The following ZNF488 variants were observed in gnomAD, a reference collection of about 807,000 sequenced individuals.
ZNF488 encodes the protein zinc finger protein 488.
In ZNF488, 1 loss-of-function variant was observed where a neutral mutation model predicts 1.2. That is an observed-to-expected ratio of 0.86 (90% CI 0.30 to 4.07). The LOEUF is 4.07. Ranked by LOEUF, ZNF488 falls within the 30% of genes most tolerant of loss-of-function variation. ZNF488 has a pLI of 0.18. For missense variants in ZNF488, 450 were observed against 437.9 expected, an observed-to-expected ratio of 1.03 and a Z score of -0.25; for synonymous variants, 185 against 190.1, an observed-to-expected ratio of 0.97 and a Z score of 0.22.
In ZNF488 at chr10:47,368,255, A is replaced by G; in HGVS notation, c.575T>C (p.Leu192Pro). Residue 192 changes from leucine to proline, a missense_variant, in exon 2 of 2, where the codon CTG becomes CCG. Transcript: ENST00000585316. ...GTCTGTAGTGTTGAGGAGTCCAGAC[A>G]GCTCCCCCAGGGCATCTGCAGATTC... ...AGESADALGE[L>P]SGLLNTTDLA... is the part of the protein sequence containing the mutation. 1 of 1,614,226 alleles carries G rather than the reference A, an allele frequency of 6.2e-7. No homozygotes were observed. Among genetic ancestry groups the G allele is most frequent in the Non-Finnish European group, 8.5e-7 (1 of 1,180,038 alleles).
In ZNF488 at chr10:47,367,807, C is replaced by A; in HGVS notation, c.1023G>T (p.Ter341TyrextTer6). 1 of 1,607,306 alleles carries A rather than the reference C, an allele frequency of 6.2e-7. No homozygotes were observed. The highest frequency in any genetic ancestry group is 8.5e-7 in the Non-Finnish European group (1 of 1,176,908). The change falls in exon 2 of 2, where the codon TAG (stop) becomes TAT (tyrosine). Residue 341 changes from the stop codon to tyrosine (Y), a stop_lost. Transcript: ENST00000585316. ...HLSRHMTSHS[*>Y] ...CAGCAGGTCATTCTGCGGTCACCTG[C>A]TAGCTGTGAGAAGTCATGTGCCGGG... is the stretch of plus-strand genomic sequence containing the variant.
Position 47,384,241 on chromosome 10 carries a change from A to T in ZNF488, c.-130T>A. ...TCACCTGGGCTCTCTGGAGATGTGG[A>T]GCAAGAGGTGCTGGTGCAGCACAGC... is the stretch of plus-strand genomic sequence containing the variant. On this transcript the variant is annotated 5_prime_UTR_variant, in exon 1 of 2. Coordinates refer to ENST00000585316, the MANE Select transcript of ZNF488 (RefSeq NM_153034.4). 6.6e-6 allele frequency: 1 copy of T among 152,534 alleles called. No homozygotes were observed. The highest frequency in any genetic ancestry group is 1.9e-4 in the East Asian group (1 of 5,162). 9.4% of individuals were successfully genotyped at this position (152,534 alleles called of 1,614,324 possible). A position where few individuals can be genotyped will look rare whatever the true frequency, so the allele number is the denominator to read the frequency against.
intron 1 of ZNF488, among the ~76,000 whole-genome samples, chr10:47,370,129 G>A (rs1190395024): frequency 6.6e-6 from 1 of 152,222 alleles, no homozygotes; most frequent in African/African-American, 2.4e-5. Context: ...GGAGACATCC[G>A]CATGGTGAGA....
In ZNF488 at chr10:47,368,684, A is replaced by G; in HGVS notation, c.146T>C (p.Leu49Pro). The G allele has an allele frequency of 2.5e-6, 4 of 1,612,754 alleles. No individual in the cohort carries two copies. Among genetic ancestry groups the G allele is most frequent in the Non-Finnish European group, 3.4e-6 (4 of 1,180,038 alleles). The change falls in exon 2 of 2, where the codon CTG becomes CCG. Residue 49 changes from leucine (L) to proline (P), a missense_variant. By Grantham distance (98) the Leu-to-Pro change is moderately conservative. Transcript: ENST00000585316. ...GCCCAGGCGGTTCGTCTTCTCGAGCAGCACTGGCTTGCAGCCCCGGCCCAG... is the reference window on the plus strand; with the variant it reads ...GCCCAGGCGGTTCGTCTTCTCGAGCGGCACTGGCTTGCAGCCCCGGCCCAG... ...PELGRGCKPVLLEKTNRLGPE... is the reference protein window; with the variant it reads ...PELGRGCKPVPLEKTNRLGPE...
intron 1 of ZNF488, among the ~76,000 whole-genome samples, chr10:47,381,915 C>A (rs927888821): frequency 6.6e-6 from 1 of 152,244 alleles, no homozygotes; most frequent in Non-Finnish European, 1.5e-5. Flanking sequence ...CAAACAATGC[C>A]AATAGGCAGT....
rs1837260925 is a variant in ZNF488 at position 47,367,542 on chromosome 10, G to A, written c.*265C>T. 1.9e-6 allele frequency: 1 copy of A among 523,004 alleles called. No individual in the cohort carries two copies. Among genetic ancestry groups the A allele is most frequent in the Admixed American group, 3.7e-5 (1 of 26,924 alleles). 32.4% of individuals were successfully genotyped at this position (523,004 alleles called of 1,614,324 possible). On this transcript the variant is annotated 3_prime_UTR_variant, in exon 2 of 2. Coordinates refer to ENST00000585316, the MANE Select transcript of ZNF488 (RefSeq NM_153034.4). The stretch of plus-strand genomic sequence containing the variant: ...TGTGCCTCCAAAGCCCATGATGTGT[G>A]CCAGGAGTTGCCCCTGCTCTCTGTG...
Position 47,368,484 on chromosome 10 carries a change from G to C in ZNF488, c.346C>G (p.Gln116Glu), listed in dbSNP as rs146596495. The change falls in exon 2 of 2, where the codon CAG becomes GAG. Residue 116 changes from glutamine (Q) to glutamate (E), a missense_variant. Coordinates refer to ENST00000585316, the MANE Select transcript of ZNF488 (RefSeq NM_153034.4). ...PRMKDRQVDAQAQEREHDDPT... is the reference protein window; with the variant it reads ...PRMKDRQVDAEAQEREHDDPT... ...TCATCGTGCTCCCTCTCCTGGGCCT[G>C]AGCATCCACCTGCCGGTCCTTCATC... 6.2e-7 allele frequency: 1 copy of C among 1,613,692 alleles called. No individual in the cohort carries two copies. Among genetic ancestry groups the C allele is most frequent in the Non-Finnish European group, 8.5e-7 (1 of 1,179,944 alleles).
rs1555213303 is a variant in ZNF488, at chr10:47,368,569, C to T, written c.261G>A (p.Lys87=). 6.2e-7 allele frequency: 1 copy of T among 1,612,172 alleles called. No homozygotes were observed. ...LVAPGKPRPG[K]PLPPKTRGEQ... ...CTCCACGTGTCTTCGGGGGCAGCGG[C>T]TTGCCAGGTCGGGGCTTGCCTGGGG... The change falls in exon 2 of 2, where the codon AAG becomes AAA. Residue 87 remains lysine (K), a synonymous_variant. Coordinates refer to ENST00000585316, the MANE Select transcript of ZNF488 (RefSeq NM_153034.4).
chr10:47,380,873 G>A lies in ZNF488; in HGVS notation c.-109+3347C>T, dbSNP rs570808231. Reference sequence around the variant, plus strand: ...TGGTGTTTTCTTCACTGGGTTGTGGGAAAGATTAGAAGGATTAATATAGAG... The same window carrying A: ...TGGTGTTTTCTTCACTGGGTTGTGGAAAAGATTAGAAGGATTAATATAGAG... On this transcript the variant is annotated intron_variant, in intron 1 of 1. Transcript: ENST00000585316. Among the ~76,000 whole-genome samples, 14 of 36,150 alleles carry A rather than the reference G, an allele frequency of 3.9e-4. No homozygotes were observed. In the South Asian group the frequency reaches 8.4e-3, roughly 22 times the overall value. The allele number at this position is 36,150 out of a possible 152,430, so 23.7% of individuals were successfully genotyped here.
At chr10:47,370,922 A>G (rs1555213801) in intron 1 of ZNF488, among the ~76,000 whole-genome samples, 3 of 152,240 alleles carry the variant, frequency 2.0e-5, no homozygotes, top group Non-Finnish European at 4.4e-5. Flanking sequence ...TTCCGCAAGC[A>G]TTCACTGAGA....
intron 1 of ZNF488, among the ~76,000 whole-genome samples, chr10:47,377,193 C>T (rs1286393241): frequency 3.3e-5 from 5 of 152,156 alleles, no homozygotes; most frequent in Non-Finnish European, 7.3e-5. Flanking sequence ...GAGGAATACG[C>T]GATCTCTACG....
At chr10:47,370,770 A>G (rs1555213768) in intron 1 of ZNF488, among the ~76,000 whole-genome samples, 1 of 152,220 alleles carries the variant, frequency 6.6e-6, no homozygotes, top group Non-Finnish European at 1.5e-5. Flanking sequence ...GAGGAGGCAA[A>G]AGGACAAAAA....
chr10:47,368,259 C>G lies in ZNF488; in HGVS notation c.571G>C (p.Glu191Gln). The change falls in exon 2 of 2, where the codon GAG becomes CAG. Residue 191 changes from glutamate (E) to glutamine (Q), a missense_variant. By Grantham distance (29) the Glu-to-Gln change is conservative. Coordinates refer to ENST00000585316, the MANE Select transcript of ZNF488 (RefSeq NM_153034.4). Reference sequence around the variant, plus strand: ...GTAGTGTTGAGGAGTCCAGACAGCTCCCCCAGGGCATCTGCAGATTCCCCT... The same window carrying G: ...GTAGTGTTGAGGAGTCCAGACAGCTGCCCCAGGGCATCTGCAGATTCCCCT... ...PAGESADALG[E>Q]LSGLLNTTDL... 6.2e-7 allele frequency: 1 copy of G among 1,614,200 alleles called. No individual in the cohort carries two copies. The highest frequency in any genetic ancestry group is 8.5e-7 in the Non-Finnish European group (1 of 1,180,044).
chr10:47,370,221 C>A (rs908274249), intron 1 of ZNF488, among the ~76,000 whole-genome samples: 2 of 152,244 alleles, frequency 1.3e-5, no homozygotes, highest in Non-Finnish European at 2.9e-5. Context: ...GGCACTTGGC[C>A]CCTGCCCAGT....
At chr10:47,382,788 C>T (rs1838027618) in intron 1 of ZNF488, among the ~76,000 whole-genome samples, 1 of 152,138 alleles carries the variant, frequency 6.6e-6, no homozygotes, top group Admixed American at 6.5e-5. Context: ...GCCAAATTTC[C>T]ATTTCTGTAT....
chr10:47,378,248 G>T (rs1837769862), intron 1 of ZNF488, among the ~76,000 whole-genome samples: 2 of 152,224 alleles, frequency 1.3e-5, no homozygotes, highest in Admixed American at 1.3e-4. Context: ...CCTCACCCTG[G>T]AAGTGCCCAC....
intron 1 of ZNF488, among the ~76,000 whole-genome samples, chr10:47,380,505 C>T (rs1837893725): frequency 6.6e-6 from 1 of 152,280 alleles, no homozygotes; most frequent in African/African-American, 2.4e-5. Context: ...CAACCTGGGC[C>T]ATCAACCAGG....
Position 47,367,511 on chromosome 10 carries a change from G to C in ZNF488, c.*296C>G, listed in dbSNP as rs1837260057. On this transcript the variant is annotated 3_prime_UTR_variant, in exon 2 of 2. Coordinates refer to ENST00000585316, the MANE Select transcript of ZNF488 (RefSeq NM_153034.4). ...GTGAAAGAGCCCAGATTCGAATCCA[G>C]GCTTGTGTGCCTCCAAAGCCCATGA... is the stretch of plus-strand genomic sequence containing the variant. 9.0e-6 allele frequency: 4 copies of C among 443,846 alleles called. No homozygotes were observed. In the South Asian group the frequency reaches 1.7e-4, roughly 18 times the overall value. 27.5% of individuals were successfully genotyped at this position (443,846 alleles called of 1,614,324 possible). A position where few individuals can be genotyped will look rare whatever the true frequency, so the allele number is the denominator to read the frequency against.
chr10:47,375,977 G>A (rs1837664579), intron 1 of ZNF488, among the ~76,000 whole-genome samples: 1 of 152,198 alleles, frequency 6.6e-6, no homozygotes, highest in Non-Finnish European at 1.5e-5. Flanking sequence ...GAGTGTTTGT[G>A]AGGACTGTTT....
Sources: gnomAD v4.1 joint callset for allele counts (sites outside exome capture counted in the v4.1 genomes callset) on GRCh38, gnomAD v4.1.1 for gene constraint, MANE v1.5 for transcripts, NCBI Gene and HGNC (gene_info 2026-07-23, HGNC 2026-07-21) for gene names.